Variants in ERCC6L2 observed in about 807,000 individuals in gnomAD.
ERCC6L2 encodes ERCC excision repair 6 like 2.
In ERCC6L2, 77 loss-of-function variants were observed where a neutral mutation model predicts 132.0. That is an observed-to-expected ratio of 0.58 (90% CI 0.49 to 0.71). ERCC6L2 has a LOEUF of 0.71. Among genes scored for constraint, ERCC6L2 ranks in the 30% least tolerant of loss-of-function variants. ERCC6L2 has a pLI of 0.00. For synonymous variants in ERCC6L2, 583 were observed against 632.4 expected (o/e 0.92, Z 1.17); for missense variants, 1,542 against 1,837.6 (o/e 0.84, Z 2.94).
At chr9:95,959,162 G>A (rs1012261275) in intron 13 of ERCC6L2, among the ~76,000 whole-genome samples, 1 of 151,090 alleles carries the variant, frequency 6.6e-6, no homozygotes, top group African/African-American at 2.4e-5. Context: ...AAACAGCATG[G>A]TACTGGTACC....
At chr9:95,880,261 A>C (rs1305162390) in intron 1 of ERCC6L2, among the ~76,000 whole-genome samples, 2 of 152,214 alleles carry the variant, frequency 1.3e-5, no homozygotes, top group Non-Finnish European at 2.9e-5. Flanking sequence ...GTAAAGGCTT[A>C]GAGGCAACAA....
chr9:95,931,799 A>AT (rs112285056), intron 11 of ERCC6L2, among the ~76,000 whole-genome samples: 18,341 of 149,692 alleles, frequency 0.12, 1,243 homozygotes, highest in African/African-American at 0.17. Flanking sequence ...ATCTTCGTTC[A>AT]TTTTTTTGTG....
chr9:95,986,856 C>G (rs901562451), intron 17 of ERCC6L2, among the ~76,000 whole-genome samples: 1 of 152,096 alleles, frequency 6.6e-6, no homozygotes, highest in Non-Finnish European at 1.5e-5. Flanking sequence ...TAAAGACACA[C>G]CAGAGACTGG....
At chr9:95,986,591 A>G (rs1833105426) in intron 17 of ERCC6L2, among the ~76,000 whole-genome samples, 1 of 150,524 alleles carries the variant, frequency 6.6e-6, no homozygotes, top group Non-Finnish European at 1.5e-5. Flanking sequence ...CTGCCTCCCA[A>G]GTTCAAGTGA....
chr9:95,927,379 G>T (rs1350246490), intron 9 of ERCC6L2, among the ~76,000 whole-genome samples: 1 of 152,018 alleles, frequency 6.6e-6, no homozygotes, highest in Admixed American at 6.6e-5. Context: ...TTTCCCCTCT[G>T]TGGATTGCTT....
chr9:95,967,444 A>T (rs1832208680), intron 14 of ERCC6L2: 1 of 152,110 alleles, frequency 6.6e-6, no homozygotes, highest in South Asian at 2.1e-4. Flanking sequence ...ATCTTAATGT[A>T]CTTCATTTAT....
chr9:96,013,213 TGAATTACTGCACCA>T lies in ERCC6L2; in HGVS notation c.*12_*25del. The T allele has an allele frequency of 7.5e-7, 1 of 1,341,956 alleles. No individual in the cohort carries two copies. Among genetic ancestry groups the T allele is most frequent in the Non-Finnish European group, 9.9e-7 (1 of 1,011,674 alleles). 83.1% of individuals were successfully genotyped at this position (1,341,956 alleles called of 1,614,324 possible). On this transcript the variant is annotated 3_prime_UTR_variant, in exon 19 of 19. Transcript: ENST00000653738. ...ACAGAGTACCACATAAGCATATAAA[TGAATTACTGCACCA>T]GTAAACTGCTGCCATCACTGTTTAC...
intron 3 of ERCC6L2, among the ~76,000 whole-genome samples, chr9:95,898,887 C>A (rs1828607603): frequency 6.6e-6 from 1 of 152,158 alleles, no homozygotes; most frequent in Non-Finnish European, 1.5e-5. Flanking sequence ...ATTTTAAATT[C>A]TCTTTATTTT....
intron 19 of ERCC6L2, among the ~76,000 whole-genome samples, chr9:96,026,660 A>C (rs1588066384): frequency 7.0e-6 from 1 of 143,580 alleles, no homozygotes; most frequent in Non-Finnish European, 1.5e-5. Flanking sequence ...ACACACAAAC[A>C]CACCACACAC....
In ERCC6L2 at chr9:95,928,712, C is replaced by T. The variant is rs555739017; in HGVS notation, c.1606-7C>T. 1.3e-5 allele frequency: 20 copies of T among 1,593,760 alleles called. No individual in the cohort carries two copies. Among genetic ancestry groups the T allele is most frequent in the South Asian group, 2.3e-5 (2 of 86,788 alleles). On this transcript the variant is annotated splice_polypyrimidine_tract_variant and splice_region_variant and intron_variant, in intron 10 of 18. Coordinates refer to ENST00000653738, the MANE Select transcript of ERCC6L2 (RefSeq NM_020207.7). ...CATGTTTGCCCATCTTCATACCTCT[C>T]GTCTAGTTGCTTGACGTGCTACAGC...
In ERCC6L2 at chr9:96,012,883, C is replaced by T. The variant is rs1834080988; in HGVS notation, c.4333C>T (p.Leu1445Phe). 5.1e-6 allele frequency: 7 copies of T among 1,367,656 alleles called. No individual in the cohort carries two copies. Among genetic ancestry groups the T allele is most frequent in the Non-Finnish European group, 6.9e-6 (7 of 1,021,852 alleles). The allele number at this position is 1,367,656 out of a possible 1,614,324, so 84.7% of individuals were successfully genotyped here. Residue 1445 changes from leucine (L) to phenylalanine (F), a missense_variant, in exon 19 of 19, where the codon CTT becomes TTT. Coordinates refer to ENST00000653738, the MANE Select transcript of ERCC6L2 (RefSeq NM_020207.7). ...AAGCTTACTTGGTGATACCTCTATT[C>T]TTGATGACCTTTTTAAAAGTCATGG... ...VISLLGDTSI[L>F]DDLFKSHGNS...
At chr9:95,904,130 G>T (rs1015260686) in intron 3 of ERCC6L2, among the ~76,000 whole-genome samples, 6 of 152,018 alleles carry the variant, frequency 3.9e-5, no homozygotes, top group African/African-American at 1.4e-4. Flanking sequence ...GAGAGTTAAG[G>T]TTGTGGCGAT....
At chr9:95,961,768 G>A (rs1034531931) in intron 13 of ERCC6L2, among the ~76,000 whole-genome samples, 5 of 152,112 alleles carry the variant, frequency 3.3e-5, no homozygotes, top group Admixed American at 2.0e-4. Context: ...CAGAGACTGG[G>A]TTATAAAGAA....
chr9:95,907,755 G>A (rs1165966533), intron 4 of ERCC6L2, among the ~76,000 whole-genome samples: 3 of 150,956 alleles, frequency 2.0e-5, no homozygotes, highest in African/African-American at 7.3e-5. Flanking sequence ...CACTGCCTCT[G>A]AACTAGGTCA....
In ERCC6L2 at chr9:96,015,517, C is replaced by T. The variant is rs547861802; in HGVS notation, c.*2314C>T. Among the ~76,000 whole-genome samples the T allele has an allele frequency of 2.0e-5, 3 of 150,648 alleles. No individual in the cohort carries two copies. The highest frequency in any genetic ancestry group is 4.3e-4 in the South Asian group (2 of 4,608). On this transcript the variant is annotated 3_prime_UTR_variant, in exon 19 of 19. Transcript: ENST00000653738. ...AATGCTATTAAAGAAACTTTTAGGC[C>T]GGGCACAGTGGCTCACGCCTGTAAT...
At chr9:95,913,006 G>T (rs1437567609) in intron 4 of ERCC6L2, among the ~76,000 whole-genome samples, 1 of 152,156 alleles carries the variant, frequency 6.6e-6, no homozygotes, top group East Asian at 1.9e-4. Flanking sequence ...CACTGTCAGT[G>T]ATGCCAAGTT....
At chr9:95,954,859 G>A (rs1341891950) in intron 12 of ERCC6L2, 1 of 471,116 alleles carries the variant, frequency 2.1e-6, no homozygotes, top group Non-Finnish European at 4.4e-6. Flanking sequence ...ATTTCCTGCT[G>A]GAGATGTGAG....
At chr9:95,941,693 C>T (rs1349500561) in intron 12 of ERCC6L2, 144 bp downstream of exon 12, 2 of 616,198 alleles carry the variant, frequency 3.2e-6, no homozygotes, top group African/African-American at 3.7e-5. Context: ...TAATCCTGAC[C>T]TTCTCAATCC....
chr9:95,987,403 A>G (rs1408073745), intron 17 of ERCC6L2, among the ~76,000 whole-genome samples: 1 of 152,252 alleles, frequency 6.6e-6, no homozygotes, highest in Non-Finnish European at 1.5e-5. Context: ...GGAATTGGAT[A>G]AATACACCCA....
Sources: allele counts gnomAD v4.1 joint callset (sites outside exome capture counted in the v4.1 genomes callset), GRCh38; gene constraint gnomAD v4.1.1; transcripts MANE v1.5; gene names NCBI Gene and HGNC (gene_info 2026-07-23, HGNC 2026-07-21).